The following KNDC1 variants were observed in gnomAD, a reference collection of about 807,000 sequenced individuals.
KNDC1 encodes the protein kinase non-catalytic C-lobe domain containing 1, also known as kinase non-catalytic C-lobe domain-containing protein 1.
Under a neutral mutation model 172.8 loss-of-function variants are expected in KNDC1, and 106 were observed. The observed-to-expected ratio is 0.61, with a 90% CI of 0.52 to 0.72. The LOEUF (loss-of-function observed/expected upper bound fraction) is 0.72. KNDC1 is among the 30% of genes least tolerant of loss of function. The pLI is 0.00. For missense variants in KNDC1, 2,325 were observed against 2,394.5 expected (o/e 0.97, Z 0.61); for synonymous variants, 1,083 against 1,062.2 (o/e 1.02, Z -0.38).
chr10:133,168,456 T>C, intron 3 of KNDC1, 144 bp downstream of exon 3: 1 of 820,298 alleles, frequency 1.2e-6, no homozygotes, highest in Non-Finnish European at 2.0e-6. Context: ...CCCGGTTCAC[T>C]GGGCTATAGG....
At chr10:133,218,670 G>A (rs910857712) in intron 26 of KNDC1, among the ~76,000 whole-genome samples, 161 bp from the exon 27 acceptor site, 6 of 152,080 alleles carry the variant, frequency 3.9e-5, no homozygotes, top group Middle Eastern at 3.2e-3. Flanking sequence ...GCCCCTCCAC[G>A]GCCACCGCTC....
chr10:133,165,321 A>G (rs10857679), intron 1 of KNDC1, among the ~76,000 whole-genome samples: 53,819 of 152,168 alleles, frequency 0.35, 9,766 homozygotes, highest in East Asian at 0.49. Context: ...TCTCCCCTCC[A>G]GGTCTGAGCA....
At chr10:133,160,862 AG>A (rs1435911336) in intron 1 of KNDC1, among the ~76,000 whole-genome samples, 1 of 151,576 alleles carries the variant, frequency 6.6e-6, no homozygotes, top group East Asian at 2.0e-4. Context: ...AGGAGGACGG[AG>A]GGGGGTCTGC....
At chr10:133,201,230 G>T (rs1039603872) in intron 16 of KNDC1, among the ~76,000 whole-genome samples, 1 of 152,138 alleles carries the variant, frequency 6.6e-6, no homozygotes, top group African/African-American at 2.4e-5. Context: ...ACCCCGGGGC[G>T]AGTACGAGTT....
chr10:133,185,860 T>TGGGAGGGGAGGGGC, intron 5 of KNDC1, 114 bp from the exon 6 acceptor site: 1 of 179,084 alleles, frequency 5.6e-6, no homozygotes, highest in South Asian at 6.2e-5. Flanking sequence ...AGGGGAGAGG[T>TGGGAGGGGAGGGGC]GGGAGGGGAG....
chr10:133,212,996 C>T (rs775059248), intron 24 of KNDC1, 74 bp downstream of exon 24: 1 of 1,309,298 alleles, frequency 7.6e-7, no homozygotes, highest in Non-Finnish European at 1.1e-6. Flanking sequence ...CCCATAGGGC[C>T]CTCAGCGGCT....
chr10:133,200,509 C>A, intron 16 of KNDC1, 49 bp downstream of exon 16: 1 of 1,360,658 alleles, frequency 7.3e-7, no homozygotes, highest in Non-Finnish European at 9.7e-7. Flanking sequence ...GGCGGCTCCT[C>A]TGTGCTCTCT....
chr10:133,177,972 G>A (rs569268142), intron 3 of KNDC1, among the ~76,000 whole-genome samples: 19 of 149,530 alleles, frequency 1.3e-4, no homozygotes, highest in South Asian at 1.1e-3. Context: ...TGTGTGTAGC[G>A]TGCATGTGTG....
chr10:133,196,070 C>T (rs1030571588), intron 10 of KNDC1, among the ~76,000 whole-genome samples: 8 of 152,224 alleles, frequency 5.3e-5, no homozygotes, highest in Non-Finnish European at 1.2e-4. Flanking sequence ...CCACCATGGC[C>T]GTTCCTCCTG....
At chr10:133,220,740 GCCGCGCGCCCA>G (rs1845568946) in intron 29 of KNDC1, among the ~76,000 whole-genome samples, 1 of 97,628 alleles carries the variant, frequency 1.0e-5, no homozygotes, top group East Asian at 4.2e-4. Context: ...GGCTCAGGCG[GCCGCGCGCCCA>G]GGTGAGGAGG....
rs1845300302 is a variant in KNDC1 at position 133,209,284 on chromosome 10, G to GTGTGT, written c.3795-1327_3795-1326insTGTGT. 6.7e-6 allele frequency among the ~76,000 whole-genome samples: 1 copy of GTGTGT among 150,220 alleles called. No homozygotes were observed. The highest frequency in any genetic ancestry group is 2.1e-4 in the South Asian group (1 of 4,730). ...TGCGGTAGTGTGTGTGTGGTGTGTG[G>GTGTGT]AGTATAGTGTGTGTGGTGTGGGGTA... On this transcript the variant is annotated intron_variant, in intron 20 of 29. Coordinates refer to ENST00000304613, the MANE Select transcript of KNDC1 (RefSeq NM_152643.8). This position sits in a 1 kb window ranked among gnomAD's most constrained non-coding sequence, Gnocchi z 4.9.
At chr10:133,195,886 CT>C in intron 10 of KNDC1, 65 bp downstream of exon 10, 4 of 1,414,034 alleles carry the variant, frequency 2.8e-6, no homozygotes, top group Non-Finnish European at 3.7e-6. Context: ...GCCGCCCTCG[CT>C]GAGCTGGGGG....
intron 21 of KNDC1, among the ~76,000 whole-genome samples, chr10:133,210,935 G>C (rs1564897928): frequency 6.6e-6 from 1 of 152,180 alleles, no homozygotes; most frequent in Non-Finnish European, 1.5e-5. Flanking sequence ...GCGGTGGCCT[G>C]GGCACCTGGG....
intron 17 of KNDC1, among the ~76,000 whole-genome samples, chr10:133,204,865 G>A (rs1002346819): frequency 1.5e-4 from 23 of 152,094 alleles, no homozygotes; most frequent in African/African-American, 4.3e-4. Context: ...AGGAGGCTGC[G>A]GGCCGAGGGC....
At chr10:133,219,147 G>C in intron 28 of KNDC1, 57 bp downstream of exon 28, 1 of 1,572,404 alleles carries the variant, frequency 6.4e-7, no homozygotes, top group African/African-American at 1.3e-5. Flanking sequence ...TCTCCTAAAC[G>C]AACTGCTGTG....
In KNDC1 at chr10:133,201,878, C is replaced by T. The variant is rs921136574; in HGVS notation, c.3367C>T (p.Leu1123=). 19 of 1,471,322 alleles carry T rather than the reference C, an allele frequency of 1.3e-5. No individual in the cohort carries two copies. The African/African-American group carries it at 2.3e-4, about 18-fold the overall frequency. 91.1% of individuals were successfully genotyped at this position (1,471,322 alleles called of 1,614,324 possible). A position where few individuals can be genotyped will look rare whatever the true frequency, so the allele number is the denominator to read the frequency against. The stretch of plus-strand genomic sequence containing the variant: ...GGGGCGGCAGCAGGCGGACGGGGCC[C>T]TGCCCGACGCCCAGAGCCCGGTGAG... ...DLGRQQADGA[L]PDAQSPELEQ... is the part of the protein sequence containing the mutation. Residue 1123 remains leucine, a synonymous_variant, in exon 17 of 30, where the codon CTG becomes TTG. Transcript: ENST00000304613.
At chr10:133,196,374 G>C (rs1399985709) in intron 10 of KNDC1, among the ~76,000 whole-genome samples, 1 of 152,232 alleles carries the variant, frequency 6.6e-6, no homozygotes. Flanking sequence ...AGGTGGGGCA[G>C]GAGCCAAACT....
chr10:133,186,181 T>C lies in KNDC1; in HGVS notation c.833T>C (p.Leu278Pro), dbSNP rs1223961929. 6.3e-7 allele frequency: 1 copy of C among 1,575,688 alleles called. No homozygotes were observed. Among genetic ancestry groups the C allele is most frequent in the Non-Finnish European group, 8.6e-7 (1 of 1,160,776 alleles). The change falls in exon 6 of 30, where the codon CTG becomes CCG. Residue 278 changes from leucine (L) to proline (P), a missense_variant. Physicochemically the swap from Leu to Pro is moderately conservative, Grantham distance 98. Transcript: ENST00000304613. ...RNGESHSREG[L>P]AGLVLDAERT... ...GGCGAGAGCCACAGCCGGGAGGGGC[T>C]GGCCGGCCTCGTCCTGGATGCCGAG...
intron 11 of KNDC1, among the ~76,000 whole-genome samples, 159 bp from the exon 12 acceptor site, chr10:133,197,516 G>A (rs1854227642): frequency 1.3e-5 from 2 of 152,210 alleles, no homozygotes; most frequent in Non-Finnish European, 2.9e-5. Flanking sequence ...TCTCCAGGCA[G>A]AGCCGCTGCA....
Sources: allele counts gnomAD v4.1 joint callset (sites outside exome capture counted in the v4.1 genomes callset), GRCh38; gene constraint gnomAD v4.1.1; non-coding constraint Gnocchi (gnomAD v3.1); transcripts MANE v1.5; gene names NCBI Gene and HGNC (gene_info 2026-07-23, HGNC 2026-07-21).